The following RNASE4 variants were observed in gnomAD, a reference collection of about 807,000 sequenced individuals.
RNASE4 encodes ribonuclease A family member 4.
For missense variants in RNASE4, 194 were observed against 192.8 expected (o/e 1.01, Z -0.04); for synonymous variants, 93 against 71.4 (o/e 1.30, Z -1.52).
At chr14:20,699,331 C>T (rs1301380192) in intron 1 of RNASE4, 24 bp from the exon 2 acceptor site, 2 of 1,531,124 alleles carry the variant, frequency 1.3e-6, no homozygotes, top group East Asian at 4.5e-5. Flanking sequence ...CCTTATTTCT[C>T]CTGCCCCTTG....
intron 1 of RNASE4, among the ~76,000 whole-genome samples, chr14:20,698,175 A>G (rs1887155189): frequency 6.7e-6 from 1 of 150,366 alleles, no homozygotes; most frequent in African/African-American, 2.4e-5. Flanking sequence ...TTTTGTTGCC[A>G]CTCTGGCTTT....
intron 1 of RNASE4, among the ~76,000 whole-genome samples, chr14:20,692,447 C>G (rs1386550468): frequency 6.6e-6 from 1 of 152,220 alleles, no homozygotes; most frequent in Non-Finnish European, 1.5e-5. Flanking sequence ...TCAGGGTTCC[C>G]TAGAACAGAG....
At chr14:20,695,080 C>G (rs1887037355) in intron 1 of RNASE4, among the ~76,000 whole-genome samples, 2 of 152,138 alleles carry the variant, frequency 1.3e-5, no homozygotes, top group South Asian at 4.1e-4. Context: ...TAATGTCTGG[C>G]AAGTGTGATG....
rs894246955 is a variant in RNASE4 at position 20,699,297 on chromosome 14, C to T, written c.-17-58C>T. On this transcript the variant is annotated intron_variant, in intron 1 of 1. Coordinates refer to ENST00000555835, the MANE Select transcript of RNASE4 (RefSeq NM_002937.5). ...GGATGCCGGCTTGCTATTCTCAACA[C>T]CTTTTTCCAGTGCCCAGTTCTTACC... 4.5e-5 allele frequency: 65 copies of T among 1,443,874 alleles called. 1 individual carries two copies. In the Admixed American group the frequency reaches 1.4e-3, roughly 31 times the overall value. The allele number at this position is 1,443,874 out of a possible 1,614,324, so 89.4% of individuals were successfully genotyped here. A position where few individuals can be genotyped will look rare whatever the true frequency, so the allele number is the denominator to read the frequency against.
At position 20,699,815 on chromosome 14, in the gene RNASE4, G is replaced by T; in HGVS notation, c.444G>T (p.Ter148TyrextTer19). Reference sequence around the variant, plus strand: ...AGGTGCCTGTGCACTTTGACGGTTAGATGCCACCATGTAGGGATTATCGCG... The same window carrying T: ...AGGTGCCTGTGCACTTTGACGGTTATATGCCACCATGTAGGGATTATCGCG... ...NPQVPVHFDG[*>Y] The change falls in exon 2 of 2, where the codon TAG (stop) becomes TAT (tyrosine). Residue 148 changes from the stop codon to tyrosine, a stop_lost. Coordinates refer to ENST00000555835, the MANE Select transcript of RNASE4 (RefSeq NM_002937.5). 1 of 1,612,260 alleles carries T rather than the reference G, an allele frequency of 6.2e-7. No individual in the cohort carries two copies.
intron 1 of RNASE4, among the ~76,000 whole-genome samples, chr14:20,687,482 G>T (rs1243298159): frequency 6.6e-6 from 1 of 152,228 alleles, no homozygotes; most frequent in Non-Finnish European, 1.5e-5. Context: ...GGCTGTGTGT[G>T]TGCAGGCGCA....
chr14:20,700,108 A>G lies in RNASE4; in HGVS notation c.*293A>G. 3.0e-6 allele frequency: 1 copy of G among 331,766 alleles called. No individual in the cohort carries two copies. Among genetic ancestry groups the G allele is most frequent in the Non-Finnish European group, 5.9e-6 (1 of 170,836 alleles). The allele number at this position is 331,766 out of a possible 1,614,324, so 20.6% of individuals were successfully genotyped here. ...TAGTTATTATGTGTATTTATGTAGT[A>G]TTTCAAACATTTCAAAATGCTTTCA... On this transcript the variant is annotated 3_prime_UTR_variant, in exon 2 of 2. Transcript: ENST00000555835.
At chr14:20,690,356 T>C (rs949240915) in intron 1 of RNASE4, among the ~76,000 whole-genome samples, 2 of 152,172 alleles carry the variant, frequency 1.3e-5, no homozygotes, top group South Asian at 4.1e-4. Flanking sequence ...TATAGGACTT[T>C]TGCCACCAGA....
chr14:20,697,341 C>A (rs531071568), intron 1 of RNASE4, among the ~76,000 whole-genome samples: 13 of 152,270 alleles, frequency 8.5e-5, no homozygotes, highest in Non-Finnish European at 1.2e-4. Flanking sequence ...ACTAAGTATA[C>A]CTTCAGAAGT....
chr14:20,691,680 A>C (rs1049462394), intron 1 of RNASE4, among the ~76,000 whole-genome samples: 9 of 152,264 alleles, frequency 5.9e-5, no homozygotes, highest in Non-Finnish European at 8.8e-5. Flanking sequence ...AATTTGATGC[A>C]CTGCTGAAGA....
At chr14:20,689,548 C>A (rs1304204957) in intron 1 of RNASE4, among the ~76,000 whole-genome samples, 1 of 152,082 alleles carries the variant, frequency 6.6e-6, no homozygotes, top group South Asian at 2.1e-4. Flanking sequence ...CTGAACATTG[C>A]CTGTGGGGAG....
rs765449088 is a variant in RNASE4, at chr14:20,697,997, C to T, written c.-17-1358C>T. 1.6e-4 allele frequency among the ~76,000 whole-genome samples: 25 copies of T among 152,246 alleles called. No individual in the cohort carries two copies. The South Asian group carries it at 4.8e-3, about 29-fold the overall frequency. On this transcript the variant is annotated intron_variant, in intron 1 of 1. Coordinates refer to ENST00000555835, the MANE Select transcript of RNASE4 (RefSeq NM_002937.5). ...ATTAAACTCTGCTGCTGGGAAGTAGCAATTCTGAGCATAAATGTCTTTGAT... is the reference window on the plus strand; with the variant it reads ...ATTAAACTCTGCTGCTGGGAAGTAGTAATTCTGAGCATAAATGTCTTTGAT...
At chr14:20,697,803 C>T (rs147250189) in intron 1 of RNASE4, among the ~76,000 whole-genome samples, 1 of 152,166 alleles carries the variant, frequency 6.6e-6, no homozygotes, top group South Asian at 2.1e-4. Context: ...TGCTAATTTG[C>T]GTTGCTCACT....
Position 20,699,962 on chromosome 14 carries a change from C to T in RNASE4, c.*147C>T. On this transcript the variant is annotated 3_prime_UTR_variant, in exon 2 of 2. Coordinates refer to ENST00000555835, the MANE Select transcript of RNASE4 (RefSeq NM_002937.5). The stretch of plus-strand genomic sequence containing the variant: ...TCTATATAACTCATTCTATTAAATA[C>T]ATTGCACCAAAGAGATATGGAGACA... The T allele has an allele frequency of 2.9e-6, 2 of 688,756 alleles. No homozygotes were observed. Among genetic ancestry groups the T allele is most frequent in the Non-Finnish European group, 5.0e-6 (2 of 399,956 alleles). The allele number at this position is 688,756 out of a possible 1,614,324, so 42.7% of individuals were successfully genotyped here.
chr14:20,699,026 G>A (rs1316941681), intron 1 of RNASE4: 1 of 199,152 alleles, frequency 5.0e-6, no homozygotes, highest in Non-Finnish European at 1.0e-5. Context: ...GCAGTTTCAT[G>A]TAGGTTCACC....
intron 1 of RNASE4, chr14:20,693,969 A>T: frequency 6.2e-7 from 1 of 1,614,064 alleles, no homozygotes; most frequent in East Asian, 2.2e-5. Context: ...AAAATGGCTT[A>T]CCTGTCCACT....
rs570657053 is a variant in RNASE4, at chr14:20,699,760, G to A, written c.389G>A (p.Arg130His). The stretch of plus-strand genomic sequence containing the variant: ...TATCGGGCCATAGCGAGCACTAGAC[G>A]TGTTGTCATTGCCTGTGAGGGTAAC... Reference protein sequence around the residue: ...CRYRAIASTRRVVIACEGNPQ... With the variant: ...CRYRAIASTRHVVIACEGNPQ... The change falls in exon 2 of 2, where the codon CGT becomes CAT. Residue 130 changes from arginine to histidine, a missense_variant. Transcript: ENST00000555835. 1.6e-5 allele frequency: 25 copies of A among 1,612,142 alleles called. No individual in the cohort carries two copies. The highest frequency in any genetic ancestry group is 4.5e-5 in the East Asian group (2 of 44,892).
intron 1 of RNASE4, among the ~76,000 whole-genome samples, chr14:20,694,354 C>T (rs1887000392): frequency 7.7e-6 from 1 of 130,128 alleles, no homozygotes; most frequent in South Asian, 2.5e-4. Context: ...GGCTTAAGTG[C>T]AATGGCACAA....
intron 1 of RNASE4, among the ~76,000 whole-genome samples, chr14:20,693,137 G>C (rs1294050749): frequency 6.6e-6 from 1 of 152,202 alleles, no homozygotes; most frequent in Admixed American, 6.5e-5. Flanking sequence ...GTGAGCCACC[G>C]CGCCCGGCCG....
Sources: gnomAD v4.1 joint callset for allele counts (sites outside exome capture counted in the v4.1 genomes callset) on GRCh38, gnomAD v4.1.1 for gene constraint, MANE v1.5 for transcripts, NCBI Gene and HGNC (gene_info 2026-07-23, HGNC 2026-07-21) for gene names.